Variants in CHRNA7 observed in about 807,000 individuals in gnomAD.
CHRNA7 encodes cholinergic receptor nicotinic alpha 7 subunit.
In CHRNA7, 17 loss-of-function variants were observed where a neutral mutation model predicts 48.0. The ratio of observed to expected loss-of-function variants is 0.35; its 90% CI spans 0.24 to 0.53. CHRNA7 has a LOEUF of 0.53. Among genes scored for constraint, CHRNA7 ranks in the 20% least tolerant of loss-of-function variants. The probability of loss-of-function intolerance (pLI) is 0.92; values close to 1 mark genes in which losing one functional copy is unlikely to be tolerated. For synonymous variants in CHRNA7, 75 were observed against 242.3 expected (o/e 0.31, Z 6.41); for missense variants, 155 against 577.7 (o/e 0.27, Z 7.50).
rs1197389328 is a variant in CHRNA7 at position 32,101,316 on chromosome 15, A to G, written c.209A>G (p.Gln70Arg). The G allele has an allele frequency of 6.3e-7, 1 of 1,586,860 alleles. No individual in the cohort carries two copies. Among genetic ancestry groups the G allele is most frequent in the South Asian group, 1.2e-5 (1 of 85,002 alleles). The change falls in exon 3 of 10, where the codon CAA (glutamine) becomes CGA (arginine). Residue 70 changes from glutamine (Q) to arginine (R), a missense_variant. Physicochemically the swap from Gln to Arg is conservative, Grantham distance 43. Coordinates refer to ENST00000306901, the MANE Select transcript of CHRNA7 (RefSeq NM_000746.6). ...TTTTTTTTGAAGGATGAGAAGAACCAAGTTTTAACCACCAACATTTGGCTG... is the reference window on the plus strand; with the variant it reads ...TTTTTTTTGAAGGATGAGAAGAACCGAGTTTTAACCACCAACATTTGGCTG... ...LQIMDVDEKN[Q>R]VLTTNIWLQM...
intron 2 of CHRNA7, among the ~76,000 whole-genome samples, chr15:32,067,667 A>G (rs1397125819): frequency 6.6e-6 from 1 of 152,240 alleles, no homozygotes; most frequent in Non-Finnish European, 1.5e-5. Context: ...CTGATTTGAG[A>G]TGCAACTGCA....
At chr15:32,049,837 GC>G (rs1423248427) in intron 2 of CHRNA7, among the ~76,000 whole-genome samples, 21 of 152,052 alleles carry the variant, frequency 1.4e-4, no homozygotes, top group African/African-American at 4.8e-4. Flanking sequence ...TTTAGGGCAG[GC>G]CTGGTGGTGA....
chr15:32,114,020 A>ATATATATATATATATATATATATG (rs2050808101), intron 4 of CHRNA7, among the ~76,000 whole-genome samples: 1 of 20,960 alleles, frequency 4.8e-5, no homozygotes, highest in Non-Finnish European at 1.0e-4. Context: ...CTATCTCCAA[A>ATATATATATATATATATATATATG]TATATATATA....
chr15:32,153,010 CACTT>C (rs2051663562), intron 4 of CHRNA7, among the ~76,000 whole-genome samples: 1 of 151,868 alleles, frequency 6.6e-6, no homozygotes, highest in East Asian at 1.9e-4. Flanking sequence ...CTAAAACTCG[CACTT>C]ACTTCTGTTG....
chr15:32,094,284 G>A (rs1304307571), intron 2 of CHRNA7, among the ~76,000 whole-genome samples: 6 of 152,228 alleles, frequency 3.9e-5, no homozygotes, highest in Admixed American at 2.6e-4. Flanking sequence ...TTGATGCATC[G>A]CAGAATAACC....
chr15:32,041,609 T>A (rs2049449468), intron 2 of CHRNA7, among the ~76,000 whole-genome samples: 1 of 152,338 alleles, frequency 6.6e-6, no homozygotes, highest in Non-Finnish European at 1.5e-5. Flanking sequence ...CTGCTCTACT[T>A]CTTCTCCTTC....
intron 4 of CHRNA7, among the ~76,000 whole-genome samples, chr15:32,128,890 G>T: frequency 6.6e-6 from 1 of 151,830 alleles, no homozygotes; most frequent in Non-Finnish European, 1.5e-5. Context: ...CTAGCTGTAG[G>T]TTTTTTGTGG....
At chr15:32,117,517 A>C (rs900867444) in intron 4 of CHRNA7, among the ~76,000 whole-genome samples, 2 of 152,138 alleles carry the variant, frequency 1.3e-5, no homozygotes, top group African/African-American at 4.8e-5. Flanking sequence ...TGTAGATCCA[A>C]TCTCAGCTTC....
intron 2 of CHRNA7, among the ~76,000 whole-genome samples, chr15:32,041,444 T>C (rs1026555806): frequency 1.3e-5 from 2 of 152,242 alleles, no homozygotes; most frequent in Non-Finnish European, 2.9e-5. Context: ...ATAGGGTTTG[T>C]GTTCCTGTAA....
At chr15:32,123,125 C>T (rs538458312) in intron 4 of CHRNA7, among the ~76,000 whole-genome samples, 26 of 152,222 alleles carry the variant, frequency 1.7e-4, no homozygotes, top group African/African-American at 5.5e-4. Context: ...AATCAGCACT[C>T]GTGAGTGATG....
intron 2 of CHRNA7, among the ~76,000 whole-genome samples, chr15:32,076,261 A>G (rs2050134449): frequency 6.6e-6 from 1 of 152,214 alleles, no homozygotes; most frequent in African/African-American, 2.4e-5. Context: ...GAGACAAAGT[A>G]TAAACATCTC....
intron 2 of CHRNA7, among the ~76,000 whole-genome samples, chr15:32,062,490 T>C (rs2049895159): frequency 6.6e-6 from 1 of 152,336 alleles, no homozygotes; most frequent in South Asian, 2.1e-4. Context: ...AGTAGACCTG[T>C]AATTTTCTCT....
rs76255161 is a variant in CHRNA7 at position 32,068,037 on chromosome 15, C to T, written c.196-33266C>T. On this transcript the variant is annotated intron_variant, in intron 2 of 9. Coordinates refer to ENST00000306901, the MANE Select transcript of CHRNA7 (RefSeq NM_000746.6). Reference sequence around the variant, plus strand: ...GACATATAGAAAATAGCAAACTGGGCACAGTGGTTCACACCTGTATTTTAA... The same window carrying T: ...GACATATAGAAAATAGCAAACTGGGTACAGTGGTTCACACCTGTATTTTAA... 4.0e-3 allele frequency among the ~76,000 whole-genome samples: 612 copies of T among 152,250 alleles called. 5 individuals carry two copies. Among genetic ancestry groups the T allele is most frequent in the African/African-American group, 0.014 (562 of 41,540 alleles).
intron 2 of CHRNA7, among the ~76,000 whole-genome samples, chr15:32,086,926 G>A (rs192563399): frequency 1.7e-4 from 26 of 152,214 alleles, no homozygotes; most frequent in Admixed American, 1.2e-3. Context: ...TAATCAAATG[G>A]CTTAAAATGG....
intron 4 of CHRNA7, among the ~76,000 whole-genome samples, chr15:32,142,252 G>T (rs1185724578): frequency 1.3e-5 from 2 of 152,134 alleles, no homozygotes; most frequent in Non-Finnish European, 2.9e-5. Context: ...AACCAGCCTT[G>T]CATCCCAGGG....
chr15:32,049,827 T>C (rs1352258688), intron 2 of CHRNA7, among the ~76,000 whole-genome samples: 2 of 152,150 alleles, frequency 1.3e-5, no homozygotes, highest in Non-Finnish European at 2.9e-5. Flanking sequence ...CAGGAGCTCT[T>C]TTAGGGCAGG....
intron 3 of CHRNA7, chr15:32,111,494 C>A (rs2050761416): frequency 7.1e-6 from 2 of 282,710 alleles, no homozygotes; most frequent in South Asian, 1.2e-4. Context: ...TAGAAGTAAC[C>A]CATCTACTGC....
intron 2 of CHRNA7, among the ~76,000 whole-genome samples, chr15:32,043,293 A>G (rs1227831539): frequency 6.6e-6 from 1 of 152,202 alleles, no homozygotes; most frequent in Non-Finnish European, 1.5e-5. Context: ...TATAAGTAAC[A>G]CATAGTTGGG....
At chr15:32,054,713 T>C (rs985992299) in intron 2 of CHRNA7, among the ~76,000 whole-genome samples, 4 of 152,258 alleles carry the variant, frequency 2.6e-5, no homozygotes, top group Non-Finnish European at 4.4e-5. Flanking sequence ...ATTTTTATTT[T>C]TGTGAGCCAC....
Sources: gnomAD v4.1 joint callset for allele counts (sites outside exome capture counted in the v4.1 genomes callset) on GRCh38, gnomAD v4.1.1 for gene constraint, MANE v1.5 for transcripts, NCBI Gene and HGNC (gene_info 2026-07-23, HGNC 2026-07-21) for gene names.